KCNK1: variants seen among roughly 807,000 people sequenced by gnomAD.
The protein encoded by KCNK1 is potassium two pore domain channel subfamily K member 1.
KCNK1 carries 10 observed loss-of-function variants against 22.2 expected under a neutral mutation model. The observed-to-expected ratio is 0.45, with a 90% CI of 0.28 to 0.76. The LOEUF is 0.76. KCNK1 is among the 30% of genes least tolerant of loss of function. KCNK1 has a pLI of 0.14. For missense variants in KCNK1, 378 were observed against 421.0 expected, an observed-to-expected ratio of 0.90 and a Z score of 0.89; for synonymous variants, 200 against 186.4, an observed-to-expected ratio of 1.07 and a Z score of -0.60.
chr1:233,656,436 T>TTAC (rs915287497), intron 1 of KCNK1, among the ~76,000 whole-genome samples: 4 of 152,144 alleles, frequency 2.6e-5, no homozygotes, highest in Admixed American at 2.6e-4. Flanking sequence ...TGGTTTCAGG[T>TTAC]TACTGCAGGC....
intron 1 of KCNK1, among the ~76,000 whole-genome samples, chr1:233,622,712 C>G (rs1239728801): frequency 6.6e-6 from 1 of 152,144 alleles, no homozygotes; most frequent in Non-Finnish European, 1.5e-5. Flanking sequence ...GGGATTGTCT[C>G]CTTGAACTTG....
At chr1:233,622,506 C>T (rs1286494671) in intron 1 of KCNK1, among the ~76,000 whole-genome samples, 4 of 152,182 alleles carry the variant, frequency 2.6e-5, no homozygotes, top group Admixed American at 1.3e-4. Context: ...ACTTCTATCT[C>T]CTAGACTCAG....
At chr1:233,643,414 C>T (rs747281190) in intron 1 of KCNK1, among the ~76,000 whole-genome samples, 7 of 152,132 alleles carry the variant, frequency 4.6e-5, no homozygotes, top group African/African-American at 1.4e-4. Flanking sequence ...TATGAGCTCA[C>T]GGTTTTGCAT....
At chr1:233,652,711 A>G (rs910252384) in intron 1 of KCNK1, among the ~76,000 whole-genome samples, 1 of 152,046 alleles carries the variant, frequency 6.6e-6, no homozygotes, top group Non-Finnish European at 1.5e-5. Flanking sequence ...TTTTTCCTAA[A>G]TGCTTTCAAG....
At chr1:233,657,819 AT>A (rs56718419) in intron 1 of KCNK1, among the ~76,000 whole-genome samples, 20,392 of 149,318 alleles carry the variant, frequency 0.14, 1,426 homozygotes, top group African/African-American at 0.18. Flanking sequence ...AAAAGTGTTA[AT>A]TTTTTTTTTT....
At chr1:233,667,642 A>G (rs1416701050) in intron 2 of KCNK1, among the ~76,000 whole-genome samples, 4 of 144,522 alleles carry the variant, frequency 2.8e-5, no homozygotes, top group Non-Finnish European at 6.0e-5. Flanking sequence ...AGGCAGGAGA[A>G]TGGCGTGAAC....
At chr1:233,625,727 A>G (rs1422521285) in intron 1 of KCNK1, among the ~76,000 whole-genome samples, 4 of 152,170 alleles carry the variant, frequency 2.6e-5, no homozygotes, top group Admixed American at 6.5e-5. Flanking sequence ...GTAGTCTTCC[A>G]TAAAGTTGCC....
At chr1:233,614,627 C>A (rs1378241929) in intron 1 of KCNK1, 101 bp downstream of exon 1, 1 of 880,212 alleles carries the variant, frequency 1.1e-6, no homozygotes, top group Non-Finnish European at 1.7e-6. Context: ...TCCCACCCCA[C>A]CCCCCACCTT....
At chr1:233,655,858 A>C (rs1421570934) in intron 1 of KCNK1, 1 of 152,084 alleles carries the variant, frequency 6.6e-6, no homozygotes, top group Non-Finnish European at 1.5e-5. Flanking sequence ...TAGCAGCTTG[A>C]ACAGACTAAG....
At position 233,666,799 on chromosome 1, in the gene KCNK1, T is replaced by C. The variant is rs1658497800; in HGVS notation, c.560T>C (p.Leu187Pro). ...QVVAIVHAVLLGFVTVSCFFF... is the reference protein window; with the variant it reads ...QVVAIVHAVLPGFVTVSCFFF... ...GTGGCCATCGTCCATGCCGTGCTCCTTGGGTTTGTCACTGTGTCCTGCTTC... is the reference window on the plus strand; with the variant it reads ...GTGGCCATCGTCCATGCCGTGCTCCCTGGGTTTGTCACTGTGTCCTGCTTC... The change falls in exon 2 of 3, where the codon CTT (leucine) becomes CCT (proline). Residue 187 changes from leucine to proline, a missense_variant. Coordinates refer to ENST00000366621, the MANE Select transcript of KCNK1 (RefSeq NM_002245.4). 6.2e-7 allele frequency: 1 copy of C among 1,614,112 alleles called. No homozygotes were observed. The highest frequency in any genetic ancestry group is 8.5e-7 in the Non-Finnish European group (1 of 1,180,058).
At chr1:233,614,762 G>A (rs1657456273) in intron 1 of KCNK1, among the ~76,000 whole-genome samples, 1 of 152,178 alleles carries the variant, frequency 6.6e-6, no homozygotes, top group South Asian at 2.1e-4. Flanking sequence ...GGAGCCGGAA[G>A]CCAGAGAGGT....
intron 1 of KCNK1, among the ~76,000 whole-genome samples, chr1:233,657,608 A>C (rs1658319348): frequency 6.6e-6 from 1 of 152,096 alleles, no homozygotes; most frequent in Non-Finnish European, 1.5e-5. Flanking sequence ...TAAGAAAGAA[A>C]GAAAGAGAGA....
chr1:233,660,786 C>A (rs1464199554), intron 1 of KCNK1: 1 of 152,164 alleles, frequency 6.6e-6, no homozygotes, highest in Non-Finnish European at 1.5e-5. Context: ...CATCATTGTT[C>A]TTCTTTTGCA....
chr1:233,633,890 C>T (rs1318308995), intron 1 of KCNK1, among the ~76,000 whole-genome samples: 1 of 152,118 alleles, frequency 6.6e-6, no homozygotes, highest in East Asian at 1.9e-4. Flanking sequence ...AGTCACACAT[C>T]CGCAACACAG....
chr1:233,661,362 G>T (rs535303720), intron 1 of KCNK1, among the ~76,000 whole-genome samples: 2 of 152,198 alleles, frequency 1.3e-5, no homozygotes, highest in East Asian at 1.9e-4. Flanking sequence ...ATAAGGTAAA[G>T]AATTGATGCC....
intron 1 of KCNK1, among the ~76,000 whole-genome samples, chr1:233,616,606 C>G (rs1452453224): frequency 1.3e-5 from 2 of 152,106 alleles, no homozygotes; most frequent in South Asian, 4.1e-4. Context: ...GAAAAAGGTG[C>G]CTCTTGGTTT....
intron 1 of KCNK1, among the ~76,000 whole-genome samples, chr1:233,658,935 G>A (rs768059229): frequency 3.9e-5 from 6 of 152,120 alleles, no homozygotes; most frequent in Non-Finnish European, 7.3e-5. Context: ...GTTCACTACT[G>A]TAGACTTTCT....
intron 1 of KCNK1, among the ~76,000 whole-genome samples, chr1:233,625,299 C>G (rs1030585210): frequency 6.6e-6 from 1 of 152,162 alleles, no homozygotes; most frequent in Non-Finnish European, 1.5e-5. Flanking sequence ...GCAGCACCCT[C>G]TCTGGAATGG....
At chr1:233,664,751 G>A (rs1473408690) in intron 1 of KCNK1, among the ~76,000 whole-genome samples, 1 of 152,210 alleles carries the variant, frequency 6.6e-6, no homozygotes, top group Non-Finnish European at 1.5e-5. Flanking sequence ...ACTTGTATAA[G>A]CCTTAAGTAT....
Sources: allele counts gnomAD v4.1 joint callset (sites outside exome capture counted in the v4.1 genomes callset), GRCh38; gene constraint gnomAD v4.1.1; transcripts MANE v1.5; gene names NCBI Gene and HGNC (gene_info 2026-07-23, HGNC 2026-07-21).